Variants in FGD4 observed in about 807,000 individuals in gnomAD.
The protein encoded by FGD4 is FYVE, RhoGEF and PH domain containing 4, also known as FYVE, RhoGEF and PH domain-containing protein 4.
Under a neutral mutation model 102.0 loss-of-function variants are expected in FGD4, and 42 were observed. That is an observed-to-expected ratio of 0.41 (90% confidence interval 0.32 to 0.53). The LOEUF is 0.53. Ranked by LOEUF, FGD4 falls within the 20% of genes least tolerant of loss-of-function variation. The pLI, the probability that FGD4 is intolerant of heterozygous loss-of-function variation, is 0.21. For synonymous variants in FGD4, 380 were observed against 375.7 expected (o/e 1.01, Z -0.13); for missense variants, 902 against 1,078.2 (o/e 0.84, Z 2.29).
chr12:32,624,208 A>C (rs1334519108), intron 11 of FGD4, among the ~76,000 whole-genome samples: 1 of 152,216 alleles, frequency 6.6e-6, no homozygotes, highest in African/African-American at 2.4e-5. Flanking sequence ...TAACCCCATC[A>C]AATTTTATGT....
intron 1 of FGD4, among the ~76,000 whole-genome samples, chr12:32,485,368 A>G (rs975865034): frequency 1.3e-5 from 2 of 151,454 alleles, no homozygotes; most frequent in Non-Finnish European, 2.9e-5. Context: ...ACTATTCAGC[A>G]TTGCTTGCAG....
At chr12:32,529,235 C>G (rs1941558629) in intron 1 of FGD4, among the ~76,000 whole-genome samples, 1 of 152,146 alleles carries the variant, frequency 6.6e-6, no homozygotes, top group African/African-American at 2.4e-5. Flanking sequence ...CTGCCTCAGC[C>G]TCCCAAGTAG....
chr12:32,542,750 T>C (rs1222054121), intron 1 of FGD4, among the ~76,000 whole-genome samples: 1 of 152,252 alleles, frequency 6.6e-6, no homozygotes, highest in Non-Finnish European at 1.5e-5. Context: ...TTTGATTTCA[T>C]TGTTACAGAA....
At chr12:32,414,365 G>C (rs551944526) in intron 1 of FGD4, among the ~76,000 whole-genome samples, 1 of 151,988 alleles carries the variant, frequency 6.6e-6, no homozygotes, top group South Asian at 2.1e-4. Flanking sequence ...TTTGATACAG[G>C]CATGCAACGG....
intron 11 of FGD4, among the ~76,000 whole-genome samples, chr12:32,621,877 C>T (rs1036330817): frequency 1.4e-5 from 2 of 144,424 alleles, no homozygotes; most frequent in African/African-American, 5.2e-5. Context: ...CTGGCCCTGG[C>T]AACAGGGAAC....
At chr12:32,508,937 C>T (rs543252014) in intron 1 of FGD4, among the ~76,000 whole-genome samples, 1 of 152,268 alleles carries the variant, frequency 6.6e-6, no homozygotes, top group African/African-American at 2.4e-5. Flanking sequence ...CTATCACACA[C>T]AGCTGTTTTC....
chr12:32,477,964 A>T (rs1943623379), intron 1 of FGD4, among the ~76,000 whole-genome samples: 1 of 152,184 alleles, frequency 6.6e-6, no homozygotes, highest in Non-Finnish European at 1.5e-5. Context: ...CTCAGACAGG[A>T]TAGTAAATGG....
At chr12:32,405,746 G>A (rs1940905787) in intron 1 of FGD4, among the ~76,000 whole-genome samples, 1 of 152,072 alleles carries the variant, frequency 6.6e-6, no homozygotes, top group Admixed American at 6.6e-5. Context: ...ACTTGATTGG[G>A]GGTCTGCCTG....
At chr12:32,483,461 T>C (rs1417373212) in intron 1 of FGD4, among the ~76,000 whole-genome samples, 1 of 152,212 alleles carries the variant, frequency 6.6e-6, no homozygotes, top group Non-Finnish European at 1.5e-5. Flanking sequence ...CAATGTACAA[T>C]GCCAAATCAT....
At chr12:32,609,615 A>G (rs1472374866) in intron 8 of FGD4, among the ~76,000 whole-genome samples, 1 of 152,198 alleles carries the variant, frequency 6.6e-6, no homozygotes, top group Non-Finnish European at 1.5e-5. Flanking sequence ...AGTTGGTGAC[A>G]TGGTATGGCA....
At chr12:32,422,765 A>G (rs999778116) in intron 1 of FGD4, among the ~76,000 whole-genome samples, 1 of 152,202 alleles carries the variant, frequency 6.6e-6, no homozygotes, top group Non-Finnish European at 1.5e-5. Context: ...ATATATGAAT[A>G]TCATTTTCAT....
chr12:32,513,044 C>G lies in FGD4; in HGVS notation c.167-51093C>G, dbSNP rs1389300583. On this transcript the variant is annotated intron_variant, in intron 1 of 16. Coordinates refer to ENST00000534526, the MANE Select transcript of FGD4 (RefSeq NM_001370298.3). Reference sequence around the variant, plus strand: ...AAGCTTTGCTGGGCCAATAAAGATACAGTCTTGCTTTCAGTAAGCTCACTT... The same window carrying G: ...AAGCTTTGCTGGGCCAATAAAGATAGAGTCTTGCTTTCAGTAAGCTCACTT... Among the ~76,000 whole-genome samples the G allele has an allele frequency of 2.0e-5, 3 of 152,160 alleles. No homozygotes were observed. In the East Asian group the frequency reaches 5.8e-4, roughly 29 times the overall value.
chr12:32,549,945 C>A (rs908597416), intron 1 of FGD4, among the ~76,000 whole-genome samples: 18 of 152,222 alleles, frequency 1.2e-4, no homozygotes, highest in Admixed American at 2.6e-4. Flanking sequence ...TCCAGCGTTC[C>A]TCTTCTCTTC....
At chr12:32,634,662 G>A (rs1249799107) in intron 15 of FGD4, among the ~76,000 whole-genome samples, 2 of 152,174 alleles carry the variant, frequency 1.3e-5, no homozygotes, top group African/African-American at 4.8e-5. Flanking sequence ...AAAATGCTAT[G>A]TATCTAAAAT....
intron 1 of FGD4, among the ~76,000 whole-genome samples, chr12:32,540,784 C>T (rs1387287805): frequency 6.6e-6 from 1 of 151,984 alleles, no homozygotes; most frequent in Non-Finnish European, 1.5e-5. Context: ...AGGCTGGTCT[C>T]GAACTCCTGA....
intron 1 of FGD4, among the ~76,000 whole-genome samples, chr12:32,524,089 G>A (rs1451021415): frequency 6.6e-6 from 1 of 151,340 alleles, no homozygotes; most frequent in Admixed American, 6.6e-5. Flanking sequence ...TAAACACCAT[G>A]TTTGTGCTTA....
At chr12:32,409,433 C>A (rs910352495) in intron 1 of FGD4, among the ~76,000 whole-genome samples, 1 of 151,936 alleles carries the variant, frequency 6.6e-6, no homozygotes, top group Non-Finnish European at 1.5e-5. Flanking sequence ...GGACTACAGG[C>A]GCCTGCCACC....
At chr12:32,553,746 G>A (rs1296203574) in intron 1 of FGD4, among the ~76,000 whole-genome samples, 1 of 152,196 alleles carries the variant, frequency 6.6e-6, no homozygotes, top group East Asian at 1.9e-4. Context: ...TGTATGATGA[G>A]TCTCAAATAT....
chr12:32,562,438 C>A (rs1451682189), intron 1 of FGD4, among the ~76,000 whole-genome samples: 2 of 152,038 alleles, frequency 1.3e-5, no homozygotes, highest in Non-Finnish European at 2.9e-5. Flanking sequence ...TTTTATTGAT[C>A]ATTCTTGGGT....
Sources: gnomAD v4.1 joint callset for allele counts (sites outside exome capture counted in the v4.1 genomes callset) on GRCh38, gnomAD v4.1.1 for gene constraint, MANE v1.5 for transcripts, NCBI Gene and HGNC (gene_info 2026-07-23, HGNC 2026-07-21) for gene names.